The following FER1L6 variants were observed in gnomAD, a reference collection of about 807,000 sequenced individuals.
The protein encoded by FER1L6 is fer-1-like protein 6.
Under a neutral mutation model 219.2 loss-of-function variants are expected in FER1L6, and 177 were observed. That is an observed-to-expected ratio of 0.81 (90% CI 0.71 to 0.91). The LOEUF is 0.91. Ranked by LOEUF, FER1L6 falls within the 40% of genes least tolerant of loss-of-function variation. FER1L6 has a pLI of 0.00. For missense variants in FER1L6, 2,153 were observed against 2,259.9 expected (o/e 0.95, Z 0.96); for synonymous variants, 768 against 824.3 (o/e 0.93, Z 1.17).
intron 1 of FER1L6, among the ~76,000 whole-genome samples, chr8:123,934,813 C>T (rs1813918737): frequency 6.6e-6 from 1 of 151,964 alleles, no homozygotes; most frequent in Admixed American, 6.6e-5. Flanking sequence ...GTGGATTTCC[C>T]CTTGATGTTC....
At chr8:123,874,443 G>C (rs1207732138) in intron 1 of FER1L6, among the ~76,000 whole-genome samples, 3 of 152,156 alleles carry the variant, frequency 2.0e-5, no homozygotes, top group African/African-American at 7.2e-5. Context: ...TCATGCATGT[G>C]CACTACTAAG....
rs748714315 is a variant in FER1L6 at position 124,119,571 on chromosome 8, T to TA, written c.5391-36_5391-35insA. On this transcript the variant is annotated intron_variant, in intron 40 of 40. Coordinates refer to ENST00000522917, the MANE Select transcript of FER1L6 (RefSeq NM_001039112.2). ...TTAAGCATTCTGAGTGTTGACAGGA[T>TA]GCCCCCTTTTTGATTTTCTCTTCCT... The TA allele has an allele frequency of 6.5e-5, 88 of 1,355,504 alleles. No homozygotes were observed. The African/African-American group carries it at 1.2e-3, about 19-fold the overall frequency. 84.0% of individuals were successfully genotyped at this position (1,355,504 alleles called of 1,614,324 possible).
At chr8:124,012,273 T>A (rs1204215059) in intron 14 of FER1L6, among the ~76,000 whole-genome samples, 2 of 152,256 alleles carry the variant, frequency 1.3e-5, no homozygotes, top group Admixed American at 1.3e-4. Context: ...AACATGGAGA[T>A]AAACTCTGAA....
At chr8:124,017,193 A>G (rs1020657230) in intron 15 of FER1L6, among the ~76,000 whole-genome samples, 1 of 152,236 alleles carries the variant, frequency 6.6e-6, no homozygotes, top group African/African-American at 2.4e-5. Flanking sequence ...TTACCTCCAA[A>G]AAATGTTACT....
intron 1 of FER1L6, among the ~76,000 whole-genome samples, chr8:123,888,326 A>G (rs1817242260): frequency 6.6e-6 from 1 of 152,082 alleles, no homozygotes. Flanking sequence ...TGTGTTGCCC[A>G]GGCTGGTCTT....
intron 1 of FER1L6, among the ~76,000 whole-genome samples, chr8:123,944,963 G>A (rs1377429130): frequency 1.3e-5 from 2 of 152,114 alleles, no homozygotes; most frequent in Non-Finnish European, 2.9e-5. Context: ...AGGGAGTGTT[G>A]CGTCATATTT....
intron 1 of FER1L6, among the ~76,000 whole-genome samples, chr8:123,885,047 G>C (rs1174440097): frequency 6.6e-6 from 1 of 152,196 alleles, no homozygotes; most frequent in Non-Finnish European, 1.5e-5. Context: ...TGGAGGCAGA[G>C]ACTGGAGTGA....
chr8:123,946,221 C>T (rs932208643), intron 1 of FER1L6, among the ~76,000 whole-genome samples: 2 of 152,058 alleles, frequency 1.3e-5, no homozygotes, highest in African/African-American at 2.4e-5. Flanking sequence ...CTCAATTTTG[C>T]TATCTGTTTA....
intron 16 of FER1L6, 63 bp downstream of exon 16, chr8:124,017,781 T>C (rs1818266464): frequency 5.1e-6 from 7 of 1,370,394 alleles, no homozygotes; most frequent in Non-Finnish European, 7.2e-6. Flanking sequence ...GGATGAGGCA[T>C]AGGTCACAGA....
At chr8:123,993,436 C>T (rs537260541) in intron 12 of FER1L6, among the ~76,000 whole-genome samples, 35 of 139,952 alleles carry the variant, frequency 2.5e-4, no homozygotes, top group East Asian at 2.1e-3. Context: ...AGCGAGACTC[C>T]GTCTCAAAAA....
intron 33 of FER1L6, 24 bp downstream of exon 33, chr8:124,082,482 C>T (rs772817918): frequency 1.9e-6 from 3 of 1,606,848 alleles, no homozygotes; most frequent in Non-Finnish European, 2.6e-6. Flanking sequence ...CCCCGGGAGA[C>T]ACTTGGTATT....
At chr8:123,854,102 T>G (rs1445363245) in intron 1 of FER1L6, among the ~76,000 whole-genome samples, 1 of 152,164 alleles carries the variant, frequency 6.6e-6, no homozygotes, top group African/African-American at 2.4e-5. Context: ...TCTGGTGAGA[T>G]GGTTTCTCAG....
intron 1 of FER1L6, among the ~76,000 whole-genome samples, chr8:123,857,849 A>T (rs1016984848): frequency 6.6e-6 from 1 of 152,202 alleles, no homozygotes; most frequent in South Asian, 2.1e-4. Context: ...GACAAAAAGC[A>T]GAAACTAATT....
chr8:124,011,161 C>T (rs904609015), intron 14 of FER1L6, among the ~76,000 whole-genome samples: 8 of 152,178 alleles, frequency 5.3e-5, no homozygotes, highest in African/African-American at 1.9e-4. Context: ...TCCAACTACA[C>T]TGGTGCCCTT....
chr8:124,096,712 C>A (rs1309580563), intron 35 of FER1L6, among the ~76,000 whole-genome samples: 3 of 152,270 alleles, frequency 2.0e-5, no homozygotes, highest in East Asian at 3.9e-4. Context: ...ATGTATAGAA[C>A]AGAATCCTGG....
chr8:123,889,018 G>A (rs556768651), intron 1 of FER1L6, among the ~76,000 whole-genome samples: 88 of 152,224 alleles, frequency 5.8e-4, no homozygotes, highest in South Asian at 3.1e-3. Flanking sequence ...CAGAATTGTC[G>A]CATACATTTT....
At chr8:123,942,685 TA>T (rs574044404) in intron 1 of FER1L6, among the ~76,000 whole-genome samples, 11 of 152,370 alleles carry the variant, frequency 7.2e-5, no homozygotes, top group Admixed American at 6.5e-4. Context: ...TTATGTATCT[TA>T]AAAGGTCACT....
chr8:123,942,397 G>A (rs766812536), intron 1 of FER1L6, among the ~76,000 whole-genome samples: 62 of 152,340 alleles, frequency 4.1e-4, no homozygotes, highest in Non-Finnish European at 7.3e-4. Context: ...CCATAAAGAC[G>A]TGCTAGAGGA....
intron 12 of FER1L6, among the ~76,000 whole-genome samples, chr8:123,997,156 T>C (rs1447555452): frequency 1.3e-5 from 2 of 152,190 alleles, no homozygotes; most frequent in Non-Finnish European, 2.9e-5. Flanking sequence ...TTCTTTCAAA[T>C]TGAAAAACTT....
Sources: allele counts gnomAD v4.1 joint callset (sites outside exome capture counted in the v4.1 genomes callset), GRCh38; gene constraint gnomAD v4.1.1; transcripts MANE v1.5; gene names NCBI Gene and HGNC (gene_info 2026-07-23, HGNC 2026-07-21).